Variants in PCDHGA1 observed in about 807,000 individuals in gnomAD.
The protein encoded by PCDHGA1 is protocadherin gamma-A1.
In PCDHGA1, 32 loss-of-function variants were observed where a neutral mutation model predicts 58.0. The observed-to-expected ratio is 0.55, with a 90% CI of 0.42 to 0.74. The LOEUF (loss-of-function observed/expected upper bound fraction) is 0.74, where lower values mean the gene tolerates loss of function less well. Ranked by LOEUF, PCDHGA1 falls within the 30% of genes least tolerant of loss-of-function variation. PCDHGA1 has a pLI of 0.00. For missense variants in PCDHGA1, 1,205 were observed against 1,182.3 expected, an observed-to-expected ratio of 1.02 and a Z score of -0.28; for synonymous variants, 498 against 501.1, an observed-to-expected ratio of 0.99 and a Z score of 0.08.
chr5:141,356,537 A>G lies in PCDHGA1; in HGVS notation c.2421+23432A>G, dbSNP rs749492777. 49 of 1,614,028 alleles carry G rather than the reference A, an allele frequency of 3.0e-5. No individual in the cohort carries two copies. The Admixed American group carries it at 5.7e-4, about 19-fold the overall frequency. On this transcript the variant is annotated intron_variant, in intron 1 of 3. Transcript: ENST00000517417. ...ATTTCACTGCAAGTGATGGACATCAATGACAACCCACCCACTTTCCCTCAT... is the reference window on the plus strand; with the variant it reads ...ATTTCACTGCAAGTGATGGACATCAGTGACAACCCACCCACTTTCCCTCAT...
chr5:141,505,513 G>A lies in PCDHGA1; in HGVS notation c.2569+32G>A, dbSNP rs1157816684. ...GGTGTCAGTGTGTGTATGGAAGAGT[G>A]GGAGACCTGGGGTTCTGGGGTGCAT... On this transcript the variant is annotated intron_variant, in intron 3 of 3. Coordinates refer to ENST00000517417, the MANE Select transcript of PCDHGA1 (RefSeq NM_018912.3). The A allele has an allele frequency of 3.1e-6, 5 of 1,613,710 alleles. No homozygotes were observed. In the South Asian group the frequency reaches 3.3e-5, roughly 11 times the overall value.
intron 1 of PCDHGA1, chr5:141,399,197 T>G: frequency 6.2e-7 from 1 of 1,613,926 alleles, no homozygotes; most frequent in Non-Finnish European, 8.5e-7. Context: ...GAAAACGCGG[T>G]GCCTGGAACA....
chr5:141,349,811 C>G (rs557672609), intron 1 of PCDHGA1, among the ~76,000 whole-genome samples: 15 of 151,668 alleles, frequency 9.9e-5, no homozygotes, highest in Middle Eastern at 6.8e-3. Context: ...ACCCCCAAAA[C>G]TGAAAAAAAT....
chr5:141,504,158 T>G (rs890874880), intron 2 of PCDHGA1, among the ~76,000 whole-genome samples: 1 of 152,222 alleles, frequency 6.6e-6, no homozygotes, highest in Non-Finnish European at 1.5e-5. Context: ...TGAAATAATT[T>G]CATCCTTGGA....
intron 1 of PCDHGA1, chr5:141,361,685 AGCGCGCCTTCGATCATGAGCAGCT>A (rs772108372): frequency 1.1e-5 from 18 of 1,613,452 alleles, no homozygotes; most frequent in Non-Finnish European, 1.4e-5. Context: ...GTGTTCGCGC[AGCGCGCCTTCGATCATGAGCAGCT>A]GCGCGCCTTC....
intron 1 of PCDHGA1, among the ~76,000 whole-genome samples, chr5:141,443,781 C>CA (rs1227271563): frequency 8.6e-5 from 13 of 150,636 alleles, no homozygotes; most frequent in South Asian, 2.1e-4. Flanking sequence ...ACCAAAAAGA[C>CA]AAAAAAAATG....
intron 1 of PCDHGA1, among the ~76,000 whole-genome samples, chr5:141,483,907 C>T (rs545585133): frequency 6.0e-5 from 9 of 151,124 alleles, no homozygotes; most frequent in Non-Finnish European, 1.0e-4. Flanking sequence ...TGGTGTGTTT[C>T]CCACTCAGAT....
At chr5:141,500,582 T>G (rs534297929) in intron 2 of PCDHGA1, among the ~76,000 whole-genome samples, 29 of 152,314 alleles carry the variant, frequency 1.9e-4, no homozygotes, top group African/African-American at 6.7e-4. Flanking sequence ...ATGTGACACT[T>G]TATTCACATA....
At chr5:141,346,410 A>G (rs1423837519) in intron 1 of PCDHGA1, 3 of 1,614,250 alleles carry the variant, frequency 1.9e-6, no homozygotes, top group South Asian at 1.1e-5. Context: ...GCCTCTTCTG[A>G]TAACTCAGGA....
rs759095332 is a variant in PCDHGA1, at chr5:141,432,306, C to T, written c.2422-62501C>T. 1 of 1,614,250 alleles carries T rather than the reference C, an allele frequency of 6.2e-7. No homozygotes were observed. On this transcript the variant is annotated intron_variant, in intron 1 of 3. Coordinates refer to ENST00000517417, the MANE Select transcript of PCDHGA1 (RefSeq NM_018912.3). This position sits in a 1 kb window ranked among gnomAD's most constrained non-coding sequence, Gnocchi z 6.0. ...AACTCCGACACTGGGGTACTGTATG[C>T]GCTGAGCTCCTTCGACTACGAGCAG...
chr5:141,372,282 CG>C (rs1768601013), intron 1 of PCDHGA1: 1 of 1,613,084 alleles, frequency 6.2e-7, no homozygotes, highest in African/African-American at 1.3e-5. Context: ...GCGCACGGCG[CG>C]TACCTTGGGC....
chr5:141,433,042 G>C (rs752612411), intron 1 of PCDHGA1: 6 of 1,614,142 alleles, frequency 3.7e-6, no homozygotes, highest in Non-Finnish European at 5.1e-6. Flanking sequence ...CCCTCACCAC[G>C]GACTCGCGGA....
chr5:141,461,845 C>CA (rs2099025049), intron 1 of PCDHGA1, among the ~76,000 whole-genome samples: 1 of 151,000 alleles, frequency 6.6e-6, no homozygotes. Context: ...TTTTTTGAGA[C>CA]AGAGTTTTGC....
intron 1 of PCDHGA1, among the ~76,000 whole-genome samples, chr5:141,353,242 C>T (rs1329568635): frequency 6.6e-6 from 1 of 152,048 alleles, no homozygotes; most frequent in Non-Finnish European, 1.5e-5. Context: ...ATAGCAGTGC[C>T]TTTTCTTAGT....
rs369964221 is a variant in PCDHGA1 at position 141,366,213 on chromosome 5, C to G, written c.2421+33108C>G. On this transcript the variant is annotated intron_variant, in intron 1 of 3. Coordinates refer to ENST00000517417, the MANE Select transcript of PCDHGA1 (RefSeq NM_018912.3). ...GGGCTGCACACGGGCGAGGTGCGCA[C>G]AGCGCGAGCCCTGCTGGACAGAGAC... 2.5e-6 allele frequency: 4 copies of G among 1,613,692 alleles called. No individual in the cohort carries two copies. The African/African-American group carries it at 4.0e-5, about 16-fold the overall frequency.
intron 1 of PCDHGA1, among the ~76,000 whole-genome samples, chr5:141,448,700 G>A (rs2098601460): frequency 6.6e-6 from 1 of 152,106 alleles, no homozygotes; most frequent in African/African-American, 2.4e-5. Context: ...CAGCACTTTG[G>A]GAGGCCGAGG....
rs1561869085 is a variant in PCDHGA1, at chr5:141,433,357, GCCTA to G, written c.2422-61449_2422-61446del. On this transcript the variant is annotated intron_variant, in intron 1 of 3. Transcript: ENST00000517417. ...TACAGGTGCAAGCCACCTACTGTCT[GCCTA>G]TCTATCTATCTATCTATCTATCTAT... is the stretch of plus-strand genomic sequence containing the variant. 3 of 568,974 alleles carry G rather than the reference GCCTA, an allele frequency of 5.3e-6. No homozygotes were observed. In the African/African-American group the frequency reaches 6.4e-5, roughly 12 times the overall value. The allele number at this position is 568,974 out of a possible 1,614,324, so 35.2% of individuals were successfully genotyped here.
At chr5:141,410,675 T>A in intron 1 of PCDHGA1, 1 of 1,551,642 alleles carries the variant, frequency 6.4e-7, no homozygotes, top group Non-Finnish European at 8.6e-7. Context: ...GTTTCTCATA[T>A]TTTAGGCATA....
In PCDHGA1 at chr5:141,383,791, A is replaced by G. The variant is rs763044850; in HGVS notation, c.2421+50686A>G. 4 of 1,613,998 alleles carry G rather than the reference A, an allele frequency of 2.5e-6. No homozygotes were observed. In the South Asian group the frequency reaches 4.4e-5, roughly 18 times the overall value. On this transcript the variant is annotated intron_variant, in intron 1 of 3. Transcript: ENST00000517417. ...AAAGATGTTTCATCTGAACTCGCTT[A>G]CAGGAGAAATATCAACTTTAGAAGG...
Sources: allele counts gnomAD v4.1 joint callset (sites outside exome capture counted in the v4.1 genomes callset), GRCh38; gene constraint gnomAD v4.1.1; non-coding constraint Gnocchi (gnomAD v3.1); transcripts MANE v1.5; gene names NCBI Gene and HGNC (gene_info 2026-07-23, HGNC 2026-07-21).